Variants in MTRF1L observed in about 807,000 individuals in gnomAD.
The protein encoded by MTRF1L is peptide chain release factor 1-like, mitochondrial.
A neutral mutation model predicts 40.0 loss-of-function variants in MTRF1L; 29 were observed. The observed-to-expected ratio is 0.73, with a 90% CI of 0.54 to 0.99. MTRF1L has a LOEUF of 0.99. Among genes scored for constraint, MTRF1L ranks in the 50% least tolerant of loss-of-function variants. The probability of loss-of-function intolerance (pLI) is 0.00; values close to 1 mark genes in which losing one functional copy is unlikely to be tolerated. For missense variants in MTRF1L, 412 were observed against 464.5 expected (o/e 0.89, Z 1.04); for synonymous variants, 150 against 175.8 (o/e 0.85, Z 1.16).
At chr6:152,992,421 T>C (rs1306170262) in intron 5 of MTRF1L, among the ~76,000 whole-genome samples, 4 of 152,244 alleles carry the variant, frequency 2.6e-5, no homozygotes, top group Admixed American at 6.5e-5. Flanking sequence ...CAAAACTGTA[T>C]ATGTGTTTCT....
In MTRF1L at chr6:152,994,634, G is replaced by A. The variant is rs754139707; in HGVS notation, c.566C>T (p.Ala189Val). Residue 189 changes from alanine (A) to valine (V), a missense_variant, in exon 4 of 7, where the codon GCC (alanine) becomes GTC (valine). Transcript: ENST00000367233. ...HASASIGGSE[A>V]YRHMKFEGGV... is the part of the protein sequence containing the mutation. ...TCCTTCAAATTTCATGTGCCTATAGGCTTCTGAACCCCCAATGCTGGCAGA... is the reference window on the plus strand; with the variant it reads ...TCCTTCAAATTTCATGTGCCTATAGACTTCTGAACCCCCAATGCTGGCAGA... 1.2e-6 allele frequency: 2 copies of A among 1,614,042 alleles called. No individual in the cohort carries two copies. The highest frequency in any genetic ancestry group is 2.2e-5 in the South Asian group (2 of 91,080).
At chr6:152,995,765 T>C (rs1004095119) in intron 2 of MTRF1L, among the ~76,000 whole-genome samples, 5 of 152,324 alleles carry the variant, frequency 3.3e-5, no homozygotes, top group Middle Eastern at 3.4e-3. Context: ...AGATTTCTTA[T>C]TATGGAAGAG....
chr6:152,999,819 T>C (rs1231899181), intron 1 of MTRF1L, among the ~76,000 whole-genome samples: 3 of 152,222 alleles, frequency 2.0e-5, no homozygotes, highest in Non-Finnish European at 4.4e-5. Flanking sequence ...TTCTTAAAAA[T>C]TACCCTGTCT....
Position 153,002,478 on chromosome 6 carries a change from G to T in MTRF1L, c.208C>A (p.Leu70Met). The change falls in exon 1 of 7, where the codon CTG (leucine) becomes ATG (methionine). Residue 70 changes from leucine (L) to methionine (M), a missense_variant. Transcript: ENST00000367233. The part of the protein sequence containing the change: ...RRPELLAVIK[L>M]LNEKERELRE... ...AGCTCCCGCTCCTTCTCGTTCAGCAGTTTGATCACCGCCAGCAACTCGGGC... is the reference window on the plus strand; with the variant it reads ...AGCTCCCGCTCCTTCTCGTTCAGCATTTTGATCACCGCCAGCAACTCGGGC... 1 of 1,613,856 alleles carries T rather than the reference G, an allele frequency of 6.2e-7. No individual in the cohort carries two copies. Among genetic ancestry groups the T allele is most frequent in the South Asian group, 1.1e-5 (1 of 91,066 alleles).
rs114080010 is a variant in MTRF1L, at chr6:152,999,191, C to T, written c.260-562G>A. Among the ~76,000 whole-genome samples, 940 of 152,184 alleles carry T rather than the reference C, an allele frequency of 6.2e-3. 6 individuals are homozygous for T. The highest frequency in any genetic ancestry group is 0.022 in the African/African-American group (897 of 41,506). On this transcript the variant is annotated intron_variant, in intron 1 of 6. Transcript: ENST00000367233. ...TCCTCTGTCTCTCTCTCTGGCTTTA[C>T]CTTTATTGTTGTTTCATCTTTGAAT...
chr6:152,992,856 C>T lies in MTRF1L; in HGVS notation c.805+1G>A, dbSNP rs749940190. ...CATATATTGAAGGAATAAGTACACACCTGTTGGAAGATGAACTATCCGGAC... is the reference window on the plus strand; with the variant it reads ...CATATATTGAAGGAATAAGTACACATCTGTTGGAAGATGAACTATCCGGAC... On this transcript the variant is annotated splice_donor_variant, in intron 5 of 6. Coordinates refer to ENST00000367233, the MANE Select transcript of MTRF1L (RefSeq NM_019041.7). LOFTEE classifies it high-confidence loss of function. 6.2e-6 allele frequency: 10 copies of T among 1,607,790 alleles called. No individual in the cohort carries two copies. Among genetic ancestry groups the T allele is most frequent in the Non-Finnish European group, 8.5e-6 (10 of 1,176,588 alleles).
intron 4 of MTRF1L, among the ~76,000 whole-genome samples, chr6:152,994,013 A>G (rs974469665): frequency 4.6e-5 from 7 of 152,130 alleles, no homozygotes; most frequent in African/African-American, 1.7e-4. Flanking sequence ...GCAAAACAGA[A>G]CTCCTACACT....
At chr6:153,000,398 T>C (rs545402134) in intron 1 of MTRF1L, among the ~76,000 whole-genome samples, 21 of 152,332 alleles carry the variant, frequency 1.4e-4, no homozygotes, top group Admixed American at 1.1e-3. Context: ...TAGCCACAAA[T>C]TGCTCAACAG....
chr6:152,998,536 C>G lies in MTRF1L; in HGVS notation c.339+14G>C. The G allele has an allele frequency of 6.5e-7, 1 of 1,548,016 alleles. No individual in the cohort carries two copies. The highest frequency in any genetic ancestry group is 1.2e-5 in the South Asian group (1 of 81,284). Reference sequence around the variant, plus strand: ...AATAGCACAAATGCTTTATTCTTTGCAGAAATACCATACCTGATGCTTCAG... The same window carrying G: ...AATAGCACAAATGCTTTATTCTTTGGAGAAATACCATACCTGATGCTTCAG... On this transcript the variant is annotated intron_variant, in intron 2 of 6. Transcript: ENST00000367233.
chr6:152,995,384 C>A, intron 2 of MTRF1L, 65 bp from the exon 3 acceptor site: 3 of 1,326,284 alleles, frequency 2.3e-6, no homozygotes, highest in Non-Finnish European at 3.0e-6. Flanking sequence ...AAATAAAAAG[C>A]TAAATGATTC....
chr6:153,000,484 G>A (rs1227246782), intron 1 of MTRF1L, among the ~76,000 whole-genome samples: 1 of 152,058 alleles, frequency 6.6e-6, no homozygotes, highest in Non-Finnish European at 1.5e-5. Context: ...CACAGGCAAT[G>A]GTAATATACT....
chr6:152,994,967 A>AT (rs1778664848), intron 3 of MTRF1L, among the ~76,000 whole-genome samples, 169 bp downstream of exon 3: 2 of 152,214 alleles, frequency 1.3e-5, no homozygotes, highest in Admixed American at 6.5e-5. Flanking sequence ...TCTCCATTAG[A>AT]TTTTATAGGT....
chr6:152,991,222 T>A lies in MTRF1L; in HGVS notation c.905A>T (p.Glu302Val), dbSNP rs1370881373. Residue 302 changes from glutamate (E) to valine (V), a missense_variant, in exon 6 of 7, where the codon GAA becomes GTA. By Grantham distance (121) the Glu-to-Val change is moderately radical. Coordinates refer to ENST00000367233, the MANE Select transcript of MTRF1L (RefSeq NM_019041.7). Reference sequence around the variant, plus strand: ...AGCATTCTGTCTTTTATTTATTTCTTCTTCTAGATGCATGCTGTACAGTTT... The same window carrying A: ...AGCATTCTGTCTTTTATTTATTTCTACTTCTAGATGCATGCTGTACAGTTT... ...RAKLYSMHLE[E>V]EINKRQNARK... is the part of the protein sequence containing the mutation. 12 of 1,570,304 alleles carry A rather than the reference T, an allele frequency of 7.6e-6. No individual in the cohort carries two copies. The highest frequency in any genetic ancestry group is 1.0e-5 in the Non-Finnish European group (12 of 1,163,222).
Position 152,992,851 on chromosome 6 carries a change from A to G in MTRF1L, c.805+6T>C. 2 of 1,605,178 alleles carry G rather than the reference A, an allele frequency of 1.2e-6. No individual in the cohort carries two copies. Among genetic ancestry groups the G allele is most frequent in the Non-Finnish European group, 1.7e-6 (2 of 1,174,150 alleles). On this transcript the variant is annotated splice_donor_region_variant and intron_variant, in intron 5 of 6. Transcript: ENST00000367233. Reference sequence around the variant, plus strand: ...GGTGTCATATATTGAAGGAATAAGTACACACCTGTTGGAAGATGAACTATC... The same window carrying G: ...GGTGTCATATATTGAAGGAATAAGTGCACACCTGTTGGAAGATGAACTATC...
At position 152,994,547 on chromosome 6, in the gene MTRF1L, GTGCTAGT is replaced by G; in HGVS notation, c.646_652del (p.Thr216ProfsTer2). On this transcript the variant is annotated frameshift_variant, in exon 4 of 7. Transcript: ENST00000367233. LOFTEE classifies it high-confidence loss of function. Reference sequence around the variant, plus strand: ...CTGGGGTAATATTGCTACAGTCATGGTGCTAGTATGGACGCGGCCTTGCTTTTCTGTC... The same window carrying G: ...CTGGGGTAATATTGCTACAGTCATGGATGGACGCGGCCTTGCTTTTCTGTC... 1 of 1,612,140 alleles carries G rather than the reference GTGCTAGT, an allele frequency of 6.2e-7. No individual in the cohort carries two copies. The highest frequency in any genetic ancestry group is 1.7e-5 in the Admixed American group (1 of 60,008).
At chr6:152,997,183 G>T (rs1364280271) in intron 2 of MTRF1L, among the ~76,000 whole-genome samples, 2 of 152,036 alleles carry the variant, frequency 1.3e-5, no homozygotes. Context: ...AGATGATGTT[G>T]AAGAAGAAGT....
At chr6:152,992,420 A>T (rs981026531) in intron 5 of MTRF1L, among the ~76,000 whole-genome samples, 3 of 152,226 alleles carry the variant, frequency 2.0e-5, no homozygotes, top group Admixed American at 6.5e-5. Flanking sequence ...GCAAAACTGT[A>T]TATGTGTTTC....
intron 5 of MTRF1L, among the ~76,000 whole-genome samples, chr6:152,991,777 C>G (rs1468730994): frequency 1.3e-5 from 2 of 152,172 alleles, no homozygotes; most frequent in Non-Finnish European, 2.9e-5. Context: ...TCTCGATCTC[C>G]TGACCTCGTG....
rs1399711387 is a variant in MTRF1L at position 153,002,318 on chromosome 6, G to A, written c.259+109C>T. The A allele has an allele frequency of 4.0e-6, 6 of 1,517,660 alleles. No homozygotes were observed. In the African/African-American group the frequency reaches 5.5e-5, roughly 14 times the overall value. 94.0% of individuals were successfully genotyped at this position (1,517,660 alleles called of 1,614,324 possible). On this transcript the variant is annotated intron_variant, in intron 1 of 6. Coordinates refer to ENST00000367233, the MANE Select transcript of MTRF1L (RefSeq NM_019041.7). ...CTGACCTCTGATCCAAAATAAAAACGGCTGCAAGTGAGTAAAGAGTTTCAA... is the reference window on the plus strand; with the variant it reads ...CTGACCTCTGATCCAAAATAAAAACAGCTGCAAGTGAGTAAAGAGTTTCAA...
Sources: gnomAD v4.1 joint callset for allele counts (sites outside exome capture counted in the v4.1 genomes callset) on GRCh38, gnomAD v4.1.1 for gene constraint, MANE v1.5 for transcripts, NCBI Gene and HGNC (gene_info 2026-07-23, HGNC 2026-07-21) for gene names.